The following CERT1 variants were observed in gnomAD, a reference collection of about 807,000 sequenced individuals.
CERT1 encodes ceramide transporter 1.
In CERT1, 31 loss-of-function variants were observed where a neutral mutation model predicts 87.9. The observed-to-expected ratio is 0.35, with a 90% CI of 0.27 to 0.48. CERT1 has a LOEUF of 0.48. Among genes scored for constraint, CERT1 ranks in the 20% least tolerant of loss-of-function variants. CERT1 has a pLI of 0.99. For synonymous variants in CERT1, 289 were observed against 250.9 expected (o/e 1.15, Z -1.44); for missense variants, 487 against 758.0 (o/e 0.64, Z 4.20).
chr5:75,442,337 T>A (rs1407902490), intron 3 of CERT1, among the ~76,000 whole-genome samples: 2 of 152,168 alleles, frequency 1.3e-5, no homozygotes. Flanking sequence ...TACTCACAGC[T>A]CAGCTCTCAA....
intron 1 of CERT1, among the ~76,000 whole-genome samples, chr5:75,510,821 A>C (rs1767925171): frequency 6.6e-6 from 1 of 151,872 alleles, no homozygotes; most frequent in African/African-American, 2.4e-5. Context: ...GATTCCTTAC[A>C]CCCGGGACAG....
chr5:75,456,865 T>G (rs1580796577), intron 3 of CERT1, among the ~76,000 whole-genome samples: 1 of 152,024 alleles, frequency 6.6e-6, no homozygotes, highest in African/African-American at 2.4e-5. Context: ...GAGAAATATA[T>G]ACTTCGTGCA....
At chr5:75,489,636 G>C (rs1168733464) in intron 2 of CERT1, among the ~76,000 whole-genome samples, 1 of 152,160 alleles carries the variant, frequency 6.6e-6, no homozygotes, top group Non-Finnish European at 1.5e-5. Flanking sequence ...ATGAAAAAAA[G>C]CTCATTATCA....
chr5:75,420,843 GACAGGGTCT>G (rs1763348145), intron 5 of CERT1, among the ~76,000 whole-genome samples: 1 of 151,840 alleles, frequency 6.6e-6, no homozygotes, highest in Admixed American at 6.6e-5. Flanking sequence ...TTGTTTGTGA[GACAGGGTCT>G]GGCTCTGTTG....
intron 7 of CERT1, among the ~76,000 whole-genome samples, chr5:75,413,303 A>G (rs1194550834): frequency 3.9e-5 from 6 of 152,230 alleles, no homozygotes; most frequent in African/African-American, 1.2e-4. Flanking sequence ...GCTAAAGTCT[A>G]AACTGAACTC....
chr5:75,478,222 G>A (rs1766061837), intron 2 of CERT1, among the ~76,000 whole-genome samples: 1 of 151,932 alleles, frequency 6.6e-6, no homozygotes, highest in Admixed American at 6.6e-5. Context: ...GCTGAGACAG[G>A]AGAATTGCTT....
chr5:75,447,360 A>G (rs1293893644), intron 3 of CERT1, among the ~76,000 whole-genome samples: 2 of 152,154 alleles, frequency 1.3e-5, no homozygotes, highest in African/African-American at 4.8e-5. Flanking sequence ...TTTTGAAGGA[A>G]AAGGTACACA....
intron 2 of CERT1, among the ~76,000 whole-genome samples, chr5:75,460,098 C>T (rs544587479): frequency 3.3e-5 from 5 of 151,762 alleles, no homozygotes; most frequent in East Asian, 1.9e-4. Flanking sequence ...GCTATTGTGC[C>T]GAGCTAAAAG....
intron 6 of CERT1, among the ~76,000 whole-genome samples, chr5:75,418,093 T>C (rs1200773034): frequency 2.0e-5 from 3 of 152,084 alleles, no homozygotes; most frequent in Non-Finnish European, 2.9e-5. Context: ...GAGGTGGAGG[T>C]TGCGGTGAGC....
intron 3 of CERT1, among the ~76,000 whole-genome samples, chr5:75,430,255 C>A (rs945338915): frequency 6.6e-6 from 1 of 152,098 alleles, no homozygotes; most frequent in African/African-American, 2.4e-5. Flanking sequence ...AAAAGTACTT[C>A]AATATGTTCT....
chr5:75,462,861 G>A lies in CERT1; in HGVS notation c.232-3680C>T, dbSNP rs531388207. ...ACAAAAATTAGCTGGGTGTGGTGGCGCGCGCCTGTAGTCCCAGCTACTCAG... is the reference window on the plus strand; with the variant it reads ...ACAAAAATTAGCTGGGTGTGGTGGCACGCGCCTGTAGTCCCAGCTACTCAG... On this transcript the variant is annotated intron_variant, in intron 2 of 16. Coordinates refer to ENST00000643780, the MANE Select transcript of CERT1 (RefSeq NM_001379029.1). Among the ~76,000 whole-genome samples, 26 of 151,582 alleles carry A rather than the reference G, an allele frequency of 1.7e-4. No homozygotes were observed. In the South Asian group the frequency reaches 1.9e-3, roughly 11 times the overall value.
At chr5:75,374,297 C>T (rs1023862900), downstream of CERT1, 9 of 467,866 alleles carry the variant, frequency 1.9e-5, no homozygotes, top group East Asian at 3.0e-4. Flanking sequence ...CCTCCATATT[C>T]ATGGAATGCA....
rs140690601 is a variant in CERT1 at position 75,438,442 on chromosome 5, G to A, written c.349-11964C>T. ...GAAAATGAGAAGAAATTACTCAGTG[G>A]TCATAACTGATACAGTGTTAAATGT... On this transcript the variant is annotated intron_variant, in intron 3 of 16. Coordinates refer to ENST00000643780, the MANE Select transcript of CERT1 (RefSeq NM_001379029.1). Among the ~76,000 whole-genome samples, 369 of 152,218 alleles carry A rather than the reference G, an allele frequency of 2.4e-3. 9 individuals carry two copies. The highest frequency in any genetic ancestry group is 0.022 in the Admixed American group (331 of 15,294).
At chr5:75,384,972 C>A (rs186167480) in intron 13 of CERT1, among the ~76,000 whole-genome samples, 1 of 152,300 alleles carries the variant, frequency 6.6e-6, no homozygotes, top group East Asian at 1.9e-4. Flanking sequence ...ATTCTAATCA[C>A]CACTGCATCA....
intron 3 of CERT1, among the ~76,000 whole-genome samples, chr5:75,429,292 C>T (rs1483473788): frequency 1.3e-5 from 2 of 151,882 alleles, no homozygotes; most frequent in Non-Finnish European, 2.9e-5. Flanking sequence ...ACCTCTGTCT[C>T]CTGGGTTCAA....
chr5:75,511,319 C>A lies in CERT1; in HGVS notation c.-112G>T. Reference sequence around the variant, plus strand: ...GGGATGGCGAAGCGAAGAGTGCCCGCTCCGGTGTGGGGGGGAGCAGGAGGA... The same window carrying A: ...GGGATGGCGAAGCGAAGAGTGCCCGATCCGGTGTGGGGGGGAGCAGGAGGA... On this transcript the variant is annotated 5_prime_UTR_variant, in exon 1 of 17. Coordinates refer to ENST00000643780, the MANE Select transcript of CERT1 (RefSeq NM_001379029.1). The A allele has an allele frequency of 6.5e-7, 1 of 1,549,076 alleles. No homozygotes were observed. Among genetic ancestry groups the A allele is most frequent in the Non-Finnish European group, 8.7e-7 (1 of 1,146,854 alleles).
intron 3 of CERT1, among the ~76,000 whole-genome samples, chr5:75,444,937 G>A (rs760559218): frequency 2.0e-5 from 3 of 152,056 alleles, no homozygotes; most frequent in Non-Finnish European, 4.4e-5. Context: ...TCATCGGGAT[G>A]ATATTTAACA....
Position 75,417,011 on chromosome 5 carries a change from T to C in CERT1, c.702A>G (p.Lys234=). ...CTTTAAAGTCTATACCATTAATTCCTTTTGGTGTCACATGTGGAAATACTG... is the reference window on the plus strand; with the variant it reads ...CTTTAAAGTCTATACCATTAATTCCCTTTGGTGTCACATGTGGAAATACTG... ...KEKLFPHVTP[K]GINGIDFKGE... The change falls in exon 7 of 17, where the codon AAA becomes AAG. Residue 234 remains lysine (K), a synonymous_variant. Transcript: ENST00000643780. The C allele has an allele frequency of 6.2e-7, 1 of 1,606,402 alleles. No individual in the cohort carries two copies. Among genetic ancestry groups the C allele is most frequent in the Non-Finnish European group, 8.5e-7 (1 of 1,175,056 alleles).
In CERT1 at chr5:75,396,745, A is replaced by C. The variant is rs1035918224; in HGVS notation, c.1188+2565T>G. ...ACTCCGTCTCAAAAAAAAAAAAAAA[A>C]CAAAAAACAGAAAAGACCGATGCAA... On this transcript the variant is annotated intron_variant, in intron 11 of 16. Coordinates refer to ENST00000643780, the MANE Select transcript of CERT1 (RefSeq NM_001379029.1). Among the ~76,000 whole-genome samples the C allele has an allele frequency of 9.1e-4, 137 of 150,146 alleles. 1 individual carries two copies. The highest frequency in any genetic ancestry group is 3.2e-3 in the African/African-American group (133 of 41,052).
Sources: allele counts gnomAD v4.1 joint callset (sites outside exome capture counted in the v4.1 genomes callset), GRCh38; gene constraint gnomAD v4.1.1; transcripts MANE v1.5; gene names NCBI Gene and HGNC (gene_info 2026-07-23, HGNC 2026-07-21).